Variants in IFT88 observed in about 807,000 individuals in gnomAD.
IFT88 encodes the protein intraflagellar transport protein 88 homolog.
A neutral mutation model predicts 119.5 loss-of-function variants in IFT88; 74 were observed. That is an observed-to-expected ratio of 0.62 (90% CI 0.51 to 0.75). The LOEUF is 0.75. IFT88 is among the 30% of genes least tolerant of loss of function. The pLI, the probability that IFT88 is intolerant of heterozygous loss-of-function variation, is 0.00. For missense variants in IFT88, 961 were observed against 977.7 expected, an observed-to-expected ratio of 0.98 and a Z score of 0.23; for synonymous variants, 279 against 316.7, an observed-to-expected ratio of 0.88 and a Z score of 1.26.
intron 20 of IFT88, among the ~76,000 whole-genome samples, chr13:20,645,699 A>G (rs1019510211): frequency 6.6e-6 from 1 of 152,220 alleles, no homozygotes; most frequent in East Asian, 1.9e-4. Flanking sequence ...AGAATGTGTT[A>G]TACATATCTG....
intron 17 of IFT88, among the ~76,000 whole-genome samples, chr13:20,640,962 A>G (rs1175651971): frequency 6.6e-6 from 1 of 152,200 alleles, no homozygotes; most frequent in African/African-American, 2.4e-5. Context: ...CCTGAGCAAC[A>G]TGGCAAAATC....
At position 20,691,095 on chromosome 13, in the gene IFT88, C is replaced by A. The variant is rs776916841; in HGVS notation, c.2395C>A (p.Pro799Thr). The A allele has an allele frequency of 2.3e-5, 37 of 1,613,778 alleles. No individual in the cohort carries two copies. Among genetic ancestry groups the A allele is most frequent in the Admixed American group, 1.3e-4 (8 of 59,968 alleles). Residue 799 changes from proline to threonine, a missense_variant, in exon 26 of 26, where the codon CCA (proline) becomes ACA (threonine). Transcript: ENST00000351808. ...CCCACTTGGCCCTCAAATAGAACGACCAAAAACTGCAGCCAAGAAAAGGAT... is the reference window on the plus strand; with the variant it reads ...CCCACTTGGCCCTCAAATAGAACGAACAAAAACTGCAGCCAAGAAAAGGAT... ...VDPLGPQIER[P>T]KTAAKKRIDE...
chr13:20,680,850 T>A (rs1370912217), intron 24 of IFT88, among the ~76,000 whole-genome samples: 2 of 152,222 alleles, frequency 1.3e-5, no homozygotes, highest in Non-Finnish European at 2.9e-5. Flanking sequence ...ATTTTACCTA[T>A]TTCCCAACTC....
At chr13:20,670,510 A>G (rs113924412) in intron 23 of IFT88, among the ~76,000 whole-genome samples, 1 of 149,830 alleles carries the variant, frequency 6.7e-6, no homozygotes, top group African/African-American at 2.5e-5. Context: ...TTGAATTTCA[A>G]AACTCAGCTT....
chr13:20,629,169 T>C (rs1016130330), intron 15 of IFT88, among the ~76,000 whole-genome samples: 3 of 152,216 alleles, frequency 2.0e-5, no homozygotes, highest in Non-Finnish European at 4.4e-5. Flanking sequence ...ATACACCATT[T>C]ATTATGACAC....
At chr13:20,675,244 G>A (rs537837961) in intron 24 of IFT88, among the ~76,000 whole-genome samples, 6 of 152,096 alleles carry the variant, frequency 3.9e-5, no homozygotes, top group Non-Finnish European at 7.4e-5. Context: ...ACATCTATGT[G>A]GGGAGGGAGT....
chr13:20,607,837 A>C (rs2043779876), intron 13 of IFT88: 1 of 731,248 alleles, frequency 1.4e-6, no homozygotes, highest in Non-Finnish European at 2.6e-6. Context: ...AATCATGGTC[A>C]TCACAGTGTC....
intron 9 of IFT88, among the ~76,000 whole-genome samples, chr13:20,597,659 G>A (rs1287123440): frequency 5.3e-5 from 8 of 151,856 alleles, no homozygotes; most frequent in African/African-American, 7.2e-5. Flanking sequence ...CAGGAGAATG[G>A]CGTGAACCCG....
In IFT88 at chr13:20,630,397, A is replaced by G. The variant is rs1052227053; in HGVS notation, c.1300-619A>G. Among the ~76,000 whole-genome samples, 9 of 152,174 alleles carry G rather than the reference A, an allele frequency of 5.9e-5. No homozygotes were observed. In the East Asian group the frequency reaches 7.7e-4, roughly 13 times the overall value. ...GTTCTCTGTCAAAGAATGGTCTTCT[A>G]TAGGCTAGTCAGTCATGGCCAGAAG... On this transcript the variant is annotated intron_variant, in intron 15 of 25. Transcript: ENST00000351808.
At chr13:20,605,696 G>T (rs1424485100) in intron 13 of IFT88, among the ~76,000 whole-genome samples, 1 of 152,186 alleles carries the variant, frequency 6.6e-6, no homozygotes, top group Non-Finnish European at 1.5e-5. Flanking sequence ...CCAGTTGTAA[G>T]CCTGTAAGCC....
intron 16 of IFT88, among the ~76,000 whole-genome samples, chr13:20,635,747 A>G (rs9509312): frequency 0.66 from 100,822 of 151,868 alleles, 35,405 homozygotes; most frequent in East Asian, 1. Flanking sequence ...AAGGGAAGGG[A>G]GAGCATTAGG....
intron 21 of IFT88, among the ~76,000 whole-genome samples, chr13:20,655,350 T>C (rs994232862): frequency 3.3e-5 from 5 of 150,430 alleles, no homozygotes; most frequent in Admixed American, 2.7e-4. Flanking sequence ...GAGAATCACT[T>C]GAAGCCAGGA....
At chr13:20,636,888 C>A (rs2049095407) in intron 16 of IFT88, among the ~76,000 whole-genome samples, 1 of 152,226 alleles carries the variant, frequency 6.6e-6, no homozygotes, top group Non-Finnish European at 1.5e-5. Context: ...TGCCTGGAAG[C>A]AACCCAAGTG....
chr13:20,673,211 T>C (rs923513768), intron 24 of IFT88, among the ~76,000 whole-genome samples: 1 of 152,084 alleles, frequency 6.6e-6, no homozygotes, highest in African/African-American at 2.4e-5. Flanking sequence ...TCAACAACCT[T>C]ATGTTAAGTT....
In IFT88 at chr13:20,643,445, A is replaced by G. The variant is rs747877910; in HGVS notation, c.1683-10A>G. 1.3e-6 allele frequency: 2 copies of G among 1,577,218 alleles called. No individual in the cohort carries two copies. Among genetic ancestry groups the G allele is most frequent in the South Asian group, 1.2e-5 (1 of 85,052 alleles). ...AGAAAACATGTTTTCCTTAACTGACATTGCATAAGATATGAATTAATGGAA... is the reference window on the plus strand; with the variant it reads ...AGAAAACATGTTTTCCTTAACTGACGTTGCATAAGATATGAATTAATGGAA... On this transcript the variant is annotated splice_polypyrimidine_tract_variant and intron_variant, in intron 18 of 25. Coordinates refer to ENST00000351808, the MANE Select transcript of IFT88 (RefSeq NM_006531.5).
intron 19 of IFT88, 97 bp from the exon 20 acceptor site, chr13:20,644,746 C>T: frequency 3.3e-6 from 2 of 598,702 alleles, no homozygotes; most frequent in Non-Finnish European, 6.0e-6. Context: ...TAAGAAATTC[C>T]ATATTGGATA....
At chr13:20,571,352 A>C (rs2036333273) in intron 1 of IFT88, among the ~76,000 whole-genome samples, 1 of 152,302 alleles carries the variant, frequency 6.6e-6, no homozygotes, top group South Asian at 2.1e-4. Context: ...GCCTTAAGAA[A>C]ATATGTATTT....
chr13:20,635,904 A>G (rs1271537470), intron 16 of IFT88, among the ~76,000 whole-genome samples: 1 of 149,162 alleles, frequency 6.7e-6, no homozygotes, highest in Non-Finnish European at 1.5e-5. Context: ...AGTAAAAAAT[A>G]AAAAAAAAAG....
intron 13 of IFT88, chr13:20,607,771 A>G (rs1418556339): frequency 4.0e-6 from 3 of 747,834 alleles, no homozygotes; most frequent in Admixed American, 3.5e-5. Flanking sequence ...CATTGCCTTC[A>G]GCATCCTCAA....
Sources: gnomAD v4.1 joint callset for allele counts (sites outside exome capture counted in the v4.1 genomes callset) on GRCh38, gnomAD v4.1.1 for gene constraint, MANE v1.5 for transcripts, NCBI Gene and HGNC (gene_info 2026-07-23, HGNC 2026-07-21) for gene names.